NOP9: variants seen among roughly 807,000 people sequenced by gnomAD.
The protein encoded by NOP9 is nucleolar protein 9.
A neutral mutation model predicts 63.0 loss-of-function variants in NOP9; 50 were observed. The ratio of observed to expected loss-of-function variants is 0.79; its 90% CI spans 0.63 to 1.00. The LOEUF is 1.00. NOP9 is among the 50% of genes least tolerant of loss of function. The pLI is 0.00. For synonymous variants in NOP9, 343 were observed against 332.8 expected (o/e 1.03, Z -0.33); for missense variants, 758 against 803.0 (o/e 0.94, Z 0.68).
chr14:24,306,199 T>G lies in NOP9; in HGVS notation c.*1104T>G. 6.4e-7 allele frequency: 1 copy of G among 1,566,308 alleles called. No homozygotes were observed. The highest frequency in any genetic ancestry group is 1.7e-5 in the Admixed American group (1 of 58,718). On this transcript the variant is annotated 3_prime_UTR_variant, in exon 10 of 10. Coordinates refer to ENST00000267425, the MANE Select transcript of NOP9 (RefSeq NM_174913.3). ...ACCAGACACCCACCACTAATCTCCA[T>G]CAGCACTGGGTCAGACCCTCCCTCG...
rs2139120654 is a variant in NOP9, at chr14:24,301,638, T to C, written c.724T>C (p.Cys242Arg). Residue 242 changes from cysteine (C) to arginine (R), a missense_variant, in exon 3 of 10, where the codon TGT becomes CGT. By Grantham distance (180) the Cys-to-Arg change is radical. Coordinates refer to ENST00000267425, the MANE Select transcript of NOP9 (RefSeq NM_174913.3). ...SEAQKTPAQE[C>R]KPADFEVPET... ...AGCACAGAAGACCCCAGCTCAGGAA[T>C]GTAAGCCAGCTGATTTTGAAGTCCC... 1 of 1,614,202 alleles carries C rather than the reference T, an allele frequency of 6.2e-7. No individual in the cohort carries two copies. The highest frequency in any genetic ancestry group is 8.5e-7 in the Non-Finnish European group (1 of 1,180,012).
chr14:24,289,716 G>A, the NOP9 span, among the ~76,000 whole-genome samples: 1 of 152,212 alleles, frequency 6.6e-6, no homozygotes. Context: ...GGTAGCATTT[G>A]TGGACTTTCA....
chr14:24,307,918 G>A lies in NOP9; in HGVS notation c.*2823G>A. The stretch of plus-strand genomic sequence containing the variant: ...GGCTGGGTGGTTCTCTCCTGTGCTG[G>A]GGCTTTAGTGGTGTTTTCTGTTACA... On this transcript the variant is annotated 3_prime_UTR_variant, in exon 10 of 10. Transcript: ENST00000267425. 7.0e-7 allele frequency: 1 copy of A among 1,428,602 alleles called. No individual in the cohort carries two copies. The allele number at this position is 1,428,602 out of a possible 1,614,324, so 88.5% of individuals were successfully genotyped here. A position where few individuals can be genotyped will look rare whatever the true frequency, so the allele number is the denominator to read the frequency against.
chr14:24,274,385 A>T, the NOP9 span, among the ~76,000 whole-genome samples: 33 of 152,192 alleles, frequency 2.2e-4, no homozygotes, highest in African/African-American at 7.5e-4. Flanking sequence ...AAGAGCGGGC[A>T]GGAAGGGTAT....
the NOP9 span, among the ~76,000 whole-genome samples, chr14:24,283,414 C>G: frequency 6.6e-6 from 1 of 151,588 alleles, no homozygotes; most frequent in East Asian, 1.9e-4. Flanking sequence ...CATGCCAAAA[C>G]TCTGTCTCTA....
At chr14:24,278,507 C>T in the NOP9 span, among the ~76,000 whole-genome samples, 1 of 152,156 alleles carries the variant, frequency 6.6e-6, no homozygotes, top group Non-Finnish European at 1.5e-5. Flanking sequence ...GGGAGGAATA[C>T]TGGATGATGG....
chr14:24,304,573 C>G lies in NOP9; in HGVS notation c.1728C>G (p.Ala576=). ...TCTGGAGTGGAGCAGCCTTGAGGGCCCGGAAGGAAATTGCTGCTGAGCTTG... is the reference window on the plus strand; with the variant it reads ...TCTGGAGTGGAGCAGCCTTGAGGGCGCGGAAGGAAATTGCTGCTGAGCTTG... The part of the protein sequence containing the change: ...DAIWSGAALR[A]RKEIAAELGE... The change falls in exon 9 of 10, where the codon GCC becomes GCG. Residue 576 remains alanine (A), a synonymous_variant. Transcript: ENST00000267425. 1 of 1,612,348 alleles carries G rather than the reference C, an allele frequency of 6.2e-7. No homozygotes were observed. The highest frequency in any genetic ancestry group is 8.5e-7 in the Non-Finnish European group (1 of 1,179,466).
chr14:24,280,313 TG>T, the NOP9 span, among the ~76,000 whole-genome samples: 3 of 152,050 alleles, frequency 2.0e-5, no homozygotes, highest in Non-Finnish European at 4.4e-5. Context: ...TGTCTGAGAA[TG>T]GGGGTGGGCT....
At chr14:24,271,331 T>C in the NOP9 span, 5 of 493,554 alleles carry the variant, frequency 1.0e-5, no homozygotes, top group Non-Finnish European at 1.7e-5. Flanking sequence ...GGACTAGGAC[T>C]TCCATCCGTG....
rs1316962698 is a variant in NOP9, at chr14:24,305,823, C to A, written c.*728C>A. 1 of 1,600,470 alleles carries A rather than the reference C, an allele frequency of 6.2e-7. No individual in the cohort carries two copies. The highest frequency in any genetic ancestry group is 8.5e-7 in the Non-Finnish European group (1 of 1,172,404). On this transcript the variant is annotated 3_prime_UTR_variant, in exon 10 of 10. Coordinates refer to ENST00000267425, the MANE Select transcript of NOP9 (RefSeq NM_174913.3). ...TTTGGAAAACTTGGGAGGAAGCCAT[C>A]AAGCTGGGAGATGAGGACTTTCCAC...
the NOP9 span, among the ~76,000 whole-genome samples, chr14:24,284,475 CAGGAGG>C: frequency 6.6e-6 from 1 of 151,816 alleles, no homozygotes; most frequent in Non-Finnish European, 1.5e-5. Context: ...GCTGAGGGGT[CAGGAGG>C]AGCAGTGCAA....
the NOP9 span, chr14:24,291,062 TGGA>T: frequency 1.2e-6 from 2 of 1,613,238 alleles, no homozygotes; most frequent in Non-Finnish European, 1.7e-6. Context: ...TCACCTTGGC[TGGA>T]GAGACCGAGG....
chr14:24,305,131 G>T lies in NOP9; in HGVS notation c.*36G>T. The T allele has an allele frequency of 7.1e-7, 1 of 1,415,690 alleles. No homozygotes were observed. Among genetic ancestry groups the T allele is most frequent in the South Asian group, 1.5e-5 (1 of 64,998 alleles). The allele number at this position is 1,415,690 out of a possible 1,614,324, so 87.7% of individuals were successfully genotyped here. ...CTGGGACTGGGTGTTGATGGGGGAG[G>T]GCAAAATGGGGTATCCACCCCATCC... is the stretch of plus-strand genomic sequence containing the variant. On this transcript the variant is annotated 3_prime_UTR_variant, in exon 10 of 10. Transcript: ENST00000267425.
the NOP9 span, among the ~76,000 whole-genome samples, chr14:24,274,897 CATGTCCGGCTT>C: frequency 6.9e-6 from 1 of 143,896 alleles, no homozygotes; most frequent in Non-Finnish European, 1.5e-5. Context: ...CGTGAGCCAC[CATGTCCGGCTT>C]TTTTTTTTTT....
the NOP9 span, among the ~76,000 whole-genome samples, chr14:24,284,393 A>G: frequency 6.6e-6 from 1 of 152,198 alleles, no homozygotes; most frequent in Non-Finnish European, 1.5e-5. Context: ...CACAAACACC[A>G]GCTGACCAGG....
the NOP9 span, among the ~76,000 whole-genome samples, chr14:24,273,502 C>G: frequency 6.6e-6 from 1 of 152,302 alleles, no homozygotes; most frequent in Admixed American, 6.5e-5. Flanking sequence ...TTTATATATC[C>G]TTCACACCTC....
upstream of NOP9, chr14:24,298,997 G>C (rs140692443): frequency 1.9e-6 from 3 of 1,613,458 alleles, no homozygotes; most frequent in African/African-American, 2.7e-5. Context: ...ATGGCGGCCA[G>C]TGATGTAAAC....
In NOP9 at chr14:24,304,611, C is replaced by T; in HGVS notation, c.1753+13C>T. 7 of 1,571,036 alleles carry T rather than the reference C, an allele frequency of 4.5e-6. No homozygotes were observed. The highest frequency in any genetic ancestry group is 3.5e-5 in the South Asian group (3 of 86,464). On this transcript the variant is annotated intron_variant, in intron 9 of 9. Coordinates refer to ENST00000267425, the MANE Select transcript of NOP9 (RefSeq NM_174913.3). ...GCTGCTGAGCTTGGTGAGTACCAGC[C>T]CCTCTCTTTGATGTTTCCAGACTCT...
the NOP9 span, chr14:24,291,294 A>G: frequency 6.8e-7 from 1 of 1,472,196 alleles, no homozygotes; most frequent in Non-Finnish European, 9.5e-7. Flanking sequence ...CCAGTTGGAC[A>G]GGGCACTGCT....
Sources: gnomAD v4.1 joint callset for allele counts (sites outside exome capture counted in the v4.1 genomes callset) on GRCh38, gnomAD v4.1.1 for gene constraint, MANE v1.5 for transcripts, NCBI Gene and HGNC (gene_info 2026-07-23, HGNC 2026-07-21) for gene names.